Variants in PBK observed in about 807,000 individuals in gnomAD.
The protein encoded by PBK is lymphokine-activated killer T-cell-originated protein kinase.
PBK carries 22 observed loss-of-function variants against 33.5 expected under a neutral mutation model. The ratio of observed to expected loss-of-function variants is 0.66; its 90% CI spans 0.47 to 0.94. PBK has a LOEUF of 0.94. PBK is among the 40% of genes least tolerant of loss of function. The pLI is 0.00. For synonymous variants in PBK, 129 were observed against 123.8 expected (o/e 1.04, Z -0.28); for missense variants, 376 against 383.4 (o/e 0.98, Z 0.16).
chr8:27,836,145 C>A (rs1806224063), intron 1 of PBK, among the ~76,000 whole-genome samples: 1 of 151,788 alleles, frequency 6.6e-6, no homozygotes, highest in South Asian at 2.1e-4. Context: ...TTGAGAAACT[C>A]ATTTGAAGGA....
At chr8:27,836,025 T>C (rs1414951294) in intron 1 of PBK, among the ~76,000 whole-genome samples, 1 of 152,144 alleles carries the variant, frequency 6.6e-6, no homozygotes, top group Non-Finnish European at 1.5e-5. Flanking sequence ...CCCAAACAAG[T>C]ATGAAGATAA....
intron 1 of PBK, among the ~76,000 whole-genome samples, chr8:27,833,795 T>C (rs540655117): frequency 7.1e-6 from 1 of 141,564 alleles, no homozygotes; most frequent in Non-Finnish European, 1.6e-5. Flanking sequence ...ACAGCTCTCT[T>C]ATATCCTTTA....
chr8:27,834,118 C>G (rs961017438), intron 1 of PBK, among the ~76,000 whole-genome samples: 5 of 151,746 alleles, frequency 3.3e-5, no homozygotes, highest in Non-Finnish European at 5.9e-5. Context: ...ACCTCTGCCT[C>G]CCAGGTTCAA....
chr8:27,815,618 G>A (rs1378627558), intron 6 of PBK, among the ~76,000 whole-genome samples: 1 of 152,168 alleles, frequency 6.6e-6, no homozygotes, highest in East Asian at 1.9e-4. Flanking sequence ...ACGTATATGT[G>A]TGTGTACACA....
At position 27,823,286 on chromosome 8, in the gene PBK, A is replaced by G. The variant is rs1449792880; in HGVS notation, c.153-81T>C. The G allele has an allele frequency of 3.5e-6, 3 of 851,854 alleles. No individual in the cohort carries two copies. The Admixed American group carries it at 8.2e-5, about 23-fold the overall frequency. 52.8% of individuals were successfully genotyped at this position (851,854 alleles called of 1,614,324 possible). Reference sequence around the variant, plus strand: ...TAAAATGACTTCCAAATTTTTGGGAAAAAGCTTGAAAGAAATTTGCTTTTA... The same window carrying G: ...TAAAATGACTTCCAAATTTTTGGGAGAAAGCTTGAAAGAAATTTGCTTTTA... On this transcript the variant is annotated intron_variant, in intron 3 of 7. Transcript: ENST00000301905.
At chr8:27,823,427 G>A (rs890286173) in intron 3 of PBK, among the ~76,000 whole-genome samples, 14 of 152,008 alleles carry the variant, frequency 9.2e-5, no homozygotes, top group African/African-American at 3.4e-4. Flanking sequence ...GTGGAAGGGA[G>A]AGGATGAAAA....
chr8:27,834,588 A>T (rs2128966191), intron 1 of PBK, among the ~76,000 whole-genome samples: 1 of 152,334 alleles, frequency 6.6e-6, no homozygotes, highest in East Asian at 1.9e-4. Context: ...ATGGTTATAA[A>T]AATTGTCTAT....
At chr8:27,828,084 A>T in intron 3 of PBK, 21 bp downstream of exon 3, 1 of 1,108,576 alleles carries the variant, frequency 9.0e-7, no homozygotes, top group Non-Finnish European at 1.4e-6. Context: ...AAAAAAGGTT[A>T]ATCTGAAATC....
chr8:27,833,179 A>G, intron 1 of PBK, 46 bp from the exon 2 acceptor site: 1 of 1,011,852 alleles, frequency 9.9e-7, no homozygotes, highest in Non-Finnish European at 1.5e-6. Flanking sequence ...TATAAAGAAT[A>G]CAACTCTCAT....
intron 6 of PBK, among the ~76,000 whole-genome samples, chr8:27,815,870 C>G (rs1805800303): frequency 6.6e-6 from 1 of 152,160 alleles, no homozygotes; most frequent in African/African-American, 2.4e-5. Flanking sequence ...TGGGTTTGCT[C>G]CCTGTGAAGA....
intron 3 of PBK, among the ~76,000 whole-genome samples, 181 bp downstream of exon 3, chr8:27,827,924 G>A (rs530657906): frequency 3.9e-4 from 60 of 152,310 alleles, no homozygotes; most frequent in Admixed American, 1.3e-3. Context: ...TAGGAGAAAA[G>A]CAGAGGCAGA....
At chr8:27,821,207 A>G (rs1165474890) in intron 5 of PBK, among the ~76,000 whole-genome samples, 2 of 152,150 alleles carry the variant, frequency 1.3e-5, no homozygotes, top group Non-Finnish European at 1.5e-5. Context: ...CTAAAAGTTT[A>G]TTTAGAAATA....
rs147268097 is a variant in PBK at position 27,830,064 on chromosome 8, G to A, written c.59-1866C>T. Among the ~76,000 whole-genome samples, 390 of 151,656 alleles carry A rather than the reference G, an allele frequency of 2.6e-3. 3 individuals carry two copies. The highest frequency in any genetic ancestry group is 9.0e-3 in the African/African-American group (373 of 41,282). ...CTAAAAATACAAAAATTAGCTGGGC[G>A]TGGTAGCACGTGCCTGTAATCCCGA... On this transcript the variant is annotated intron_variant, in intron 2 of 7. Coordinates refer to ENST00000301905, the MANE Select transcript of PBK (RefSeq NM_018492.4).
chr8:27,828,496 G>A (rs1291768730), intron 2 of PBK, among the ~76,000 whole-genome samples: 1 of 152,102 alleles, frequency 6.6e-6, no homozygotes, highest in African/African-American at 2.4e-5. Flanking sequence ...TGGATGTGGT[G>A]GCTCATGCCT....
At chr8:27,824,914 T>C (rs769863911) in intron 3 of PBK, among the ~76,000 whole-genome samples, 1 of 152,136 alleles carries the variant, frequency 6.6e-6, no homozygotes, top group Non-Finnish European at 1.5e-5. Flanking sequence ...AATGCAAACT[T>C]GATTTAACAA....
chr8:27,834,030 T>G (rs79200386), intron 1 of PBK, among the ~76,000 whole-genome samples: 10 of 101,988 alleles, frequency 9.8e-5, no homozygotes, highest in Non-Finnish European at 1.7e-4. Context: ...TGATGATCCT[T>G]TTTTTTTTTT....
chr8:27,815,320 G>C (rs1259580659), intron 6 of PBK, among the ~76,000 whole-genome samples: 1 of 152,194 alleles, frequency 6.6e-6, no homozygotes, highest in Non-Finnish European at 1.5e-5. Context: ...GCTCTGTTAA[G>C]TGAGAACAAA....
chr8:27,810,989 G>C lies in PBK; in HGVS notation c.741C>G (p.His247Gln). The C allele has an allele frequency of 6.2e-7, 1 of 1,608,652 alleles. No individual in the cohort carries two copies. ...LWEMMTLSIP[H>Q]INLSNDDDDE... ...CATCATCATCATTTGAAAGATTAAT[G>C]TGTGGAATCGATAAAGTCATCATTT... Residue 247 changes from histidine (H) to glutamine (Q), a missense_variant, in exon 7 of 8, where the codon CAC (histidine) becomes CAG (glutamine). His to Gln is a conservative substitution (Grantham distance 24). Transcript: ENST00000301905.
intron 1 of PBK, among the ~76,000 whole-genome samples, chr8:27,834,711 T>C (rs1806194849): frequency 6.6e-6 from 1 of 152,230 alleles, no homozygotes; most frequent in Non-Finnish European, 1.5e-5. Flanking sequence ...CTGGCCAACA[T>C]GGCGAAACCT....
Sources: allele counts gnomAD v4.1 joint callset (sites outside exome capture counted in the v4.1 genomes callset), GRCh38; gene constraint gnomAD v4.1.1; transcripts MANE v1.5; gene names NCBI Gene and HGNC (gene_info 2026-07-23, HGNC 2026-07-21).